Variants in ZNF567 observed in about 807,000 individuals in gnomAD.
ZNF567 encodes the protein zinc finger protein 567.
Under a neutral mutation model 53.9 loss-of-function variants are expected in ZNF567, and 36 were observed. The ratio of observed to expected loss-of-function variants is 0.67; its 90% CI spans 0.51 to 0.88. The LOEUF is 0.88. ZNF567 is among the 40% of genes least tolerant of loss of function. ZNF567 has a pLI of 0.00. For missense variants in ZNF567, 619 were observed against 764.7 expected, an observed-to-expected ratio of 0.81 and a Z score of 2.25; for synonymous variants, 224 against 260.4, an observed-to-expected ratio of 0.86 and a Z score of 1.35.
the ZNF567 span, among the ~76,000 whole-genome samples, chr19:36,675,914 A>T: frequency 1.3e-5 from 2 of 152,100 alleles, no homozygotes; most frequent in Non-Finnish European, 2.9e-5. Flanking sequence ...GATGTCTGGC[A>T]TTCTATTTGT....
chr19:36,704,497 T>A (rs1353382521), intron 3 of ZNF567, among the ~76,000 whole-genome samples: 1 of 152,200 alleles, frequency 6.6e-6, no homozygotes, highest in Admixed American at 6.6e-5. Context: ...TTTCTTTTTT[T>A]AATATTACTA....
chr19:36,726,103 A>G (rs2040334274), downstream of ZNF567, among the ~76,000 whole-genome samples: 1 of 151,688 alleles, frequency 6.6e-6, no homozygotes, highest in Admixed American at 6.6e-5. Flanking sequence ...TTTTAGTTAT[A>G]TTTTCAATTC....
chr19:36,669,423 G>A, the ZNF567 span: 2 of 152,184 alleles, frequency 1.3e-5, no homozygotes, highest in Non-Finnish European at 2.9e-5. Context: ...TATGAATGTA[G>A]TAACTACATA....
chr19:36,707,721 GC>G, intron 3 of ZNF567, among the ~76,000 whole-genome samples: 1 of 152,166 alleles, frequency 6.6e-6, no homozygotes, highest in South Asian at 2.1e-4. Flanking sequence ...GGGATTACAG[GC>G]ACCTGCCACC....
chr19:36,715,920 T>C (rs10421697), intron 5 of ZNF567, among the ~76,000 whole-genome samples: 1 of 152,234 alleles, frequency 6.6e-6, no homozygotes, highest in African/African-American at 2.4e-5. Flanking sequence ...ATTTGTAATA[T>C]GTTTATCAGC....
the ZNF567 span, among the ~76,000 whole-genome samples, chr19:36,669,858 T>C: frequency 3.9e-5 from 6 of 152,322 alleles, no homozygotes; most frequent in Admixed American, 2.0e-4. Flanking sequence ...AATCAAGTTA[T>C]ACTTTTGTTC....
In ZNF567 at chr19:36,693,436, G is replaced by A. The variant is rs555703031; in HGVS notation, c.-66-1366G>A. Among the ~76,000 whole-genome samples the A allele has an allele frequency of 3.3e-5, 5 of 152,168 alleles. No homozygotes were observed. In the South Asian group the frequency reaches 1.0e-3, roughly 32 times the overall value. The stretch of plus-strand genomic sequence containing the variant: ...ATCATGCCACTGTATTCTAGCCTAG[G>A]CAAAGAGTGAGACCCTGTCTCAAAA... On this transcript the variant is annotated intron_variant, in intron 2 of 5. Coordinates refer to ENST00000682579, the MANE Select transcript of ZNF567 (RefSeq NM_001322917.1).
At chr19:36,721,788 A>G (rs537142741), downstream of ZNF567, among the ~76,000 whole-genome samples, 1 of 117,238 alleles carries the variant, frequency 8.5e-6, no homozygotes, top group African/African-American at 3.2e-5. Context: ...TCTGTTGCCC[A>G]GGCTGGAATG....
chr19:36,693,840 TGGCCAAATAATTTTTAAA>T (rs749997386), intron 2 of ZNF567, among the ~76,000 whole-genome samples: 15 of 152,274 alleles, frequency 9.9e-5, no homozygotes, highest in Admixed American at 2.0e-4. Flanking sequence ...CCAAACTAGA[TGGCCAAATAATTTTTAAA>T]ATTGTATTTT....
At chr19:36,714,081 T>C (rs992062736) in intron 5 of ZNF567, among the ~76,000 whole-genome samples, 4 of 152,254 alleles carry the variant, frequency 2.6e-5, no homozygotes, top group African/African-American at 9.6e-5. Flanking sequence ...GTGTATCTTT[T>C]TCCAGCCTTC....
intron 3 of ZNF567, among the ~76,000 whole-genome samples, chr19:36,703,946 G>A (rs534990649): frequency 3.9e-5 from 6 of 152,262 alleles, no homozygotes; most frequent in Admixed American, 2.0e-4. Context: ...ACTGTCCTGC[G>A]CCCACTGTCT....
rs2040216359 is a variant in ZNF567, at chr19:36,719,516, G to A, written c.792G>A (p.Arg264=). ...ATGAATGTGGGAAATCTTTCTGCAGGAAATCAGTATTGATTCTGCATCAGG... is the reference window on the plus strand; with the variant it reads ...ATGAATGTGGGAAATCTTTCTGCAGAAAATCAGTATTGATTCTGCATCAGG... The part of the protein sequence containing the change: ...TCNECGKSFC[R]KSVLILHQGI... The change falls in exon 6 of 6, where the codon AGG becomes AGA. Residue 264 remains arginine, a synonymous_variant. Coordinates refer to ENST00000682579, the MANE Select transcript of ZNF567 (RefSeq NM_001322917.1). 6 of 1,613,084 alleles carry A rather than the reference G, an allele frequency of 3.7e-6. No individual in the cohort carries two copies. The highest frequency in any genetic ancestry group is 4.2e-6 in the Non-Finnish European group (5 of 1,179,764).
chr19:36,682,595 A>T, the ZNF567 span, among the ~76,000 whole-genome samples: 11 of 142,992 alleles, frequency 7.7e-5, no homozygotes, highest in South Asian at 4.3e-4. Flanking sequence ...TTATTATTTT[A>T]TTATTATTAT....
At chr19:36,678,704 CGTA>C in the ZNF567 span, among the ~76,000 whole-genome samples, 14 of 151,676 alleles carry the variant, frequency 9.2e-5, no homozygotes, top group African/African-American at 3.4e-4. Context: ...ATTCGCCAGG[CGTA>C]GTGGTGGGTG....
the ZNF567 span, chr19:36,669,490 C>T: frequency 2.8e-4 from 43 of 152,168 alleles, no homozygotes; most frequent in African/African-American, 1.0e-3. Flanking sequence ...AATAAATAAT[C>T]AGACCTTTCA....
chr19:36,685,618 ATAGT>A (rs1173189696), upstream of ZNF567: 4 of 152,212 alleles, frequency 2.6e-5, no homozygotes, highest in Non-Finnish European at 5.9e-5. Context: ...GTTGTAGAAA[ATAGT>A]TAAGGAATAT....
At chr19:36,689,296 A>G (rs1418715717) in intron 1 of ZNF567, 101 bp from the exon 2 acceptor site, 7 of 143,666 alleles carry the variant, frequency 4.9e-5, no homozygotes, top group Non-Finnish European at 9.0e-5. Flanking sequence ...TTTTTGCTGG[A>G]TGAATTTCTT....
upstream of ZNF567, among the ~76,000 whole-genome samples, chr19:36,685,035 C>A (rs2038239345): frequency 6.6e-6 from 1 of 152,158 alleles, no homozygotes; most frequent in South Asian, 2.1e-4. Flanking sequence ...TGCCTGTAAT[C>A]CCAACACTTT....
At chr19:36,678,583 G>A in the ZNF567 span, among the ~76,000 whole-genome samples, 6 of 151,898 alleles carry the variant, frequency 4.0e-5, no homozygotes, top group Admixed American at 6.5e-5. Context: ...GGTGGCTCAC[G>A]CCTGTAATCT....
Sources: allele counts gnomAD v4.1 joint callset (sites outside exome capture counted in the v4.1 genomes callset), GRCh38; gene constraint gnomAD v4.1.1; transcripts MANE v1.5; gene names NCBI Gene and HGNC (gene_info 2026-07-23, HGNC 2026-07-21).